KLHL18: variants seen among roughly 807,000 people sequenced by gnomAD.
The protein encoded by KLHL18 is kelch like family member 18, also known as kelch-like protein 18.
A neutral mutation model predicts 58.5 loss-of-function variants in KLHL18; 38 were observed. That is an observed-to-expected ratio of 0.65 (90% CI 0.50 to 0.85). The LOEUF (loss-of-function observed/expected upper bound fraction) is 0.85, where lower values mean the gene tolerates loss of function less well. Ranked by LOEUF, KLHL18 falls within the 40% of genes least tolerant of loss-of-function variation. The pLI, the probability that KLHL18 is intolerant of heterozygous loss-of-function variation, is 0.00. For missense variants in KLHL18, 624 were observed against 778.4 expected, an observed-to-expected ratio of 0.80 and a Z score of 2.36; for synonymous variants, 303 against 301.9, an observed-to-expected ratio of 1.00 and a Z score of -0.04.
At chr3:47,316,458 C>G (rs1165578092) in intron 1 of KLHL18, among the ~76,000 whole-genome samples, 1 of 138,522 alleles carries the variant, frequency 7.2e-6, no homozygotes, top group African/African-American at 2.8e-5. Context: ...CCTGTCTGTA[C>G]AAATATATAT....
chr3:47,323,361 C>A (rs566360062), intron 3 of KLHL18, among the ~76,000 whole-genome samples: 1 of 152,204 alleles, frequency 6.6e-6, no homozygotes, highest in Non-Finnish European at 1.5e-5. Flanking sequence ...CAGGCATAAG[C>A]CACTGCTCCC....
intron 2 of KLHL18, 97 bp downstream of exon 2, chr3:47,319,880 C>G: frequency 7.9e-7 from 1 of 1,267,324 alleles, no homozygotes; most frequent in Non-Finnish European, 1.1e-6. Context: ...GACACAGTGT[C>G]TAATAGCCTA....
At chr3:47,339,503 A>G (rs1456760341) in intron 7 of KLHL18, among the ~76,000 whole-genome samples, 2 of 152,062 alleles carry the variant, frequency 1.3e-5, no homozygotes, top group Non-Finnish European at 2.9e-5. Context: ...AAAAAAAAAA[A>G]AAAAGAAAAT....
chr3:47,334,646 GA>G lies in KLHL18; in HGVS notation c.762-36del. On this transcript the variant is annotated intron_variant, in intron 5 of 9. Coordinates refer to ENST00000232766, the MANE Select transcript of KLHL18 (RefSeq NM_025010.5). This position sits in a 1 kb window ranked among gnomAD's most constrained non-coding sequence, Gnocchi z 4.7. ...ATGCAAACGAGGACTAAGTCAGGGG[GA>G]TACCTCCTGTTCTAGCATCTTCCAC... 1 of 1,611,760 alleles carries G rather than the reference GA, an allele frequency of 6.2e-7. No individual in the cohort carries two copies. The highest frequency in any genetic ancestry group is 8.5e-7 in the Non-Finnish European group (1 of 1,178,098).
At chr3:47,286,746 A>G (rs942783163) in intron 1 of KLHL18, among the ~76,000 whole-genome samples, 2 of 152,192 alleles carry the variant, frequency 1.3e-5, no homozygotes, top group East Asian at 3.8e-4. Flanking sequence ...AAGTCCGTAG[A>G]TCTTCCTCCA....
chr3:47,316,795 G>GTA (rs552385662), intron 1 of KLHL18, among the ~76,000 whole-genome samples: 1 of 146,906 alleles, frequency 6.8e-6, no homozygotes. Context: ...ATATATGTGT[G>GTA]TATATATATA....
At chr3:47,311,459 A>G (rs1320838744) in intron 1 of KLHL18, among the ~76,000 whole-genome samples, 1 of 152,070 alleles carries the variant, frequency 6.6e-6, no homozygotes, top group East Asian at 1.9e-4. Context: ...TTGGGAGGCC[A>G]AGGTGGGCGG....
At chr3:47,321,414 T>C (rs766041270) in intron 2 of KLHL18, among the ~76,000 whole-genome samples, 3 of 151,338 alleles carry the variant, frequency 2.0e-5, no homozygotes, top group Non-Finnish European at 4.4e-5. Context: ...TGACATGATC[T>C]CTGTTCACTG....
Position 47,283,092 on chromosome 3 carries a change from A to G in KLHL18, c.127A>G (p.Lys43Glu). Residue 43 changes from lysine to glutamate, a missense_variant and splice_region_variant, in exon 1 of 10, where the codon AAG becomes GAG. Coordinates refer to ENST00000232766, the MANE Select transcript of KLHL18 (RefSeq NM_025010.5). Reference protein sequence around the residue: ...RQGKLCDVTLKIGDHKFSAHR... With the variant: ...RQGKLCDVTLEIGDHKFSAHR... ...GGGCAAGCTGTGCGACGTGACCCTC[A>G]AGGTACCGCGGACTGGGCGGCAGCG... 6.3e-7 allele frequency: 1 copy of G among 1,577,146 alleles called. No individual in the cohort carries two copies. The highest frequency in any genetic ancestry group is 8.6e-7 in the Non-Finnish European group (1 of 1,161,902).
intron 1 of KLHL18, among the ~76,000 whole-genome samples, chr3:47,284,253 T>TCACACACA (rs142212788): frequency 2.4e-4 from 35 of 148,444 alleles, no homozygotes; most frequent in African/African-American, 8.1e-4. Flanking sequence ...TCTGTCTCTC[T>TCACACACA]CACACACACA....
intron 1 of KLHL18, among the ~76,000 whole-genome samples, chr3:47,300,881 C>T (rs1412591084): frequency 6.6e-6 from 1 of 151,936 alleles, no homozygotes; most frequent in Non-Finnish European, 1.5e-5. Context: ...TCAGGTGATC[C>T]GCCCACCTTG....
intron 1 of KLHL18, chr3:47,287,477 GTGTA>G (rs754742358): frequency 1.9e-5 from 2 of 105,578 alleles, no homozygotes; most frequent in African/African-American, 3.3e-5. Context: ...GTGTGTGTGT[GTGTA>G]TTTTTTTTTC....
intron 3 of KLHL18, among the ~76,000 whole-genome samples, chr3:47,325,657 G>T (rs576173835): frequency 6.6e-6 from 1 of 152,256 alleles, no homozygotes; most frequent in African/African-American, 2.4e-5. Context: ...TCTTCAGCCC[G>T]CTGCTTTTTT....
intron 9 of KLHL18, 134 bp from the exon 10 acceptor site, chr3:47,343,421 T>C: frequency 9.7e-7 from 1 of 1,028,868 alleles, no homozygotes; most frequent in East Asian, 2.4e-5. Flanking sequence ...GAGGGAATAC[T>C]GGGAGAGCTC....
chr3:47,285,534 T>G (rs929454677), intron 1 of KLHL18, among the ~76,000 whole-genome samples: 8 of 147,752 alleles, frequency 5.4e-5, no homozygotes, highest in Non-Finnish European at 7.5e-5. Context: ...CTGGGCAACA[T>G]GGCAAAACCC....
intron 3 of KLHL18, among the ~76,000 whole-genome samples, chr3:47,329,377 G>A (rs943932887): frequency 1.3e-5 from 2 of 151,970 alleles, no homozygotes; most frequent in Non-Finnish European, 2.9e-5. Context: ...ACAGGCGCCC[G>A]CCACCACACC....
intron 1 of KLHL18, among the ~76,000 whole-genome samples, chr3:47,289,434 TTCAAGAGC>T (rs1312698585): frequency 6.6e-6 from 1 of 152,216 alleles, no homozygotes; most frequent in Non-Finnish European, 1.5e-5. Flanking sequence ...CGAAATTGGC[TTCAAGAGC>T]TACACATTTG....
At chr3:47,298,888 C>T (rs1224889380) in intron 1 of KLHL18, among the ~76,000 whole-genome samples, 1 of 152,196 alleles carries the variant, frequency 6.6e-6, no homozygotes, top group African/African-American at 2.4e-5. Flanking sequence ...TTATATTTCT[C>T]AGTAGTAGTC....
At chr3:47,316,434 G>A (rs760207215) in intron 1 of KLHL18, among the ~76,000 whole-genome samples, 2 of 148,778 alleles carry the variant, frequency 1.3e-5, no homozygotes, top group Non-Finnish European at 3.0e-5. Context: ...AACAGCCTGA[G>A]CAACAAAGCA....
Sources: gnomAD v4.1 joint callset for allele counts (sites outside exome capture counted in the v4.1 genomes callset) on GRCh38, gnomAD v4.1.1 for gene constraint, Gnocchi (gnomAD v3.1) non-coding constraint, MANE v1.5 for transcripts, NCBI Gene and HGNC (gene_info 2026-07-23, HGNC 2026-07-21) for gene names.